Variants in KIAA1217 observed in about 807,000 individuals in gnomAD.
KIAA1217 encodes KIAA1217, also known as sickle tail protein homolog.
KIAA1217 carries 88 observed loss-of-function variants against 163.9 expected under a neutral mutation model. The observed-to-expected ratio is 0.54, with a 90% CI of 0.45 to 0.64. The LOEUF (loss-of-function observed/expected upper bound fraction) is 0.64. Among genes scored for constraint, KIAA1217 ranks in the 30% least tolerant of loss-of-function variants. The pLI, the probability that KIAA1217 is intolerant of heterozygous loss-of-function variation, is 0.00. For missense variants in KIAA1217, 2,372 were observed against 2,475.0 expected (o/e 0.96, Z 0.88); for synonymous variants, 903 against 923.1 (o/e 0.98, Z 0.39).
At chr10:23,842,941 T>G (rs1390103916) in intron 1 of KIAA1217, among the ~76,000 whole-genome samples, 3 of 152,178 alleles carry the variant, frequency 2.0e-5, no homozygotes, top group Non-Finnish European at 4.4e-5. Flanking sequence ...AATGTTTATT[T>G]CTGACAAAGA....
At chr10:24,038,168 G>A (rs925364747) in intron 2 of KIAA1217, among the ~76,000 whole-genome samples, 1 of 152,178 alleles carries the variant, frequency 6.6e-6, no homozygotes, top group Non-Finnish European at 1.5e-5. Flanking sequence ...ACCATGCACT[G>A]TTGACCATGG....
rs527762729 is a variant in KIAA1217, at chr10:24,179,681, C to T, written c.-170-39945C>T. On this transcript the variant is annotated intron_variant, in intron 2 of 18. Coordinates refer to the KIAA1217 transcript ENST00000376462. ...TCAGCTCACTGCAACTTCCACCTCC[C>T]GGGTTCAAGTGATTCTTGTCCCTCA... is the stretch of plus-strand genomic sequence containing the variant. Among the ~76,000 whole-genome samples, 18 of 152,174 alleles carry T rather than the reference C, an allele frequency of 1.2e-4. No individual in the cohort carries two copies. In the South Asian group the frequency reaches 1.2e-3, roughly 11 times the overall value.
intron 5 of KIAA1217, among the ~76,000 whole-genome samples, chr10:24,452,679 C>CAAAAAAAAAAAAAAAA (rs1331069997): frequency 3.1e-5 from 2 of 64,100 alleles, no homozygotes; most frequent in Non-Finnish European, 6.5e-5. Context: ...AAGACTGTCT[C>CAAAAAAAAAAAAAAAA]AAAAAAAAAA....
At chr10:24,507,351 C>A (rs1198753819) in intron 9 of KIAA1217, among the ~76,000 whole-genome samples, 1 of 152,050 alleles carries the variant, frequency 6.6e-6, no homozygotes, top group Non-Finnish European at 1.5e-5. Flanking sequence ...CAAGAGAAAC[C>A]AACCAGACAT....
intron 1 of KIAA1217, among the ~76,000 whole-genome samples, chr10:23,891,331 G>C (rs1389866624): frequency 6.6e-6 from 1 of 151,628 alleles, no homozygotes; most frequent in African/African-American, 2.4e-5. Flanking sequence ...TCTTTGTTGA[G>C]AGACAGGATC....
intron 1 of KIAA1217, among the ~76,000 whole-genome samples, chr10:23,838,596 A>T (rs1210022551): frequency 6.6e-6 from 1 of 151,958 alleles, no homozygotes; most frequent in African/African-American, 2.4e-5. Flanking sequence ...AAGTAGCTGG[A>T]ATTACAGGTG....
chr10:23,930,707 C>G (rs1033027246), intron 1 of KIAA1217, among the ~76,000 whole-genome samples: 5 of 152,182 alleles, frequency 3.3e-5, no homozygotes, highest in Non-Finnish European at 7.3e-5. Flanking sequence ...TGTGATTCAT[C>G]AGGAAAAAGA....
intron 2 of KIAA1217, among the ~76,000 whole-genome samples, chr10:24,115,513 T>C (rs750578669): frequency 1.3e-5 from 2 of 152,152 alleles, no homozygotes; most frequent in Non-Finnish European, 2.9e-5. Flanking sequence ...ATACACATGA[T>C]CTCACACTTG....
At chr10:24,272,352 T>G (rs2076856310) in intron 2 of KIAA1217, among the ~76,000 whole-genome samples, 1 of 152,192 alleles carries the variant, frequency 6.6e-6, no homozygotes. Context: ...TCCACTTAAT[T>G]TTTTTGGCCT....
At chr10:24,049,567 C>T (rs528304216) in intron 2 of KIAA1217, among the ~76,000 whole-genome samples, 18 of 152,188 alleles carry the variant, frequency 1.2e-4, no homozygotes, top group Middle Eastern at 3.4e-3. Flanking sequence ...GTTTGGTTTT[C>T]GGTTCTTGTG....
chr10:23,782,976 C>T (rs553540673), intron 1 of KIAA1217, among the ~76,000 whole-genome samples: 3 of 152,294 alleles, frequency 2.0e-5, no homozygotes, highest in South Asian at 2.1e-4. Flanking sequence ...GGAGGCCTTT[C>T]ATAAATGGAC....
chr10:24,494,356 G>A, intron 6 of KIAA1217, 144 bp from the exon 7 acceptor site: 1 of 658,380 alleles, frequency 1.5e-6, no homozygotes, highest in South Asian at 1.7e-5. Context: ...AGGATGTGCG[G>A]CTCTTCATGT....
At chr10:24,455,754 A>C (rs2061722029) in intron 5 of KIAA1217, among the ~76,000 whole-genome samples, 1 of 152,246 alleles carries the variant, frequency 6.6e-6, no homozygotes, top group South Asian at 2.1e-4. Context: ...CACCCATCTC[A>C]CAGTGATTAT....
intron 2 of KIAA1217, among the ~76,000 whole-genome samples, chr10:24,294,857 G>A (rs1825050719): frequency 6.6e-6 from 1 of 152,180 alleles, no homozygotes; most frequent in Non-Finnish European, 1.5e-5. Context: ...TTGCCAGGGT[G>A]TCAAATCACA....
intron 2 of KIAA1217, among the ~76,000 whole-genome samples, chr10:24,355,191 G>A (rs1470134687): frequency 6.6e-6 from 1 of 152,188 alleles, no homozygotes; most frequent in African/African-American, 2.4e-5. Context: ...GGAGGTTGCA[G>A]CTGTGTAAGC....
At position 23,923,042 on chromosome 10, in the gene KIAA1217, AC is replaced by A. The variant is rs149619183; in HGVS notation, c.-320-84180del. Among the ~76,000 whole-genome samples the A allele has an allele frequency of 5.0e-3, 768 of 152,188 alleles. 8 individuals carry two copies. Among genetic ancestry groups the A allele is most frequent in the African/African-American group, 0.018 (738 of 41,508 alleles). Reference sequence around the variant, plus strand: ...GTTCTGAGATTTTGGCACACCTGTCACCCAAGCAGGGTACACTGTACCCAAT... The same window carrying A: ...GTTCTGAGATTTTGGCACACCTGTCACCAAGCAGGGTACACTGTACCCAAT... On this transcript the variant is annotated intron_variant, in intron 1 of 18. Transcript: ENST00000376462.
At chr10:23,872,646 A>G (rs894721194) in intron 1 of KIAA1217, among the ~76,000 whole-genome samples, 2 of 152,058 alleles carry the variant, frequency 1.3e-5, no homozygotes, top group African/African-American at 4.8e-5. Context: ...CTTGATCAGT[A>G]GCCTAAGCAC....
intron 1 of KIAA1217, among the ~76,000 whole-genome samples, chr10:23,826,323 T>C (rs756031986): frequency 2.6e-5 from 4 of 152,190 alleles, no homozygotes; most frequent in Non-Finnish European, 5.9e-5. Flanking sequence ...ACATTAGATT[T>C]GACATGTCAA....
chr10:24,337,101 A>G (rs2046441136), intron 2 of KIAA1217, among the ~76,000 whole-genome samples: 1 of 152,242 alleles, frequency 6.6e-6, no homozygotes, highest in African/African-American at 2.4e-5. Context: ...GTCAAAGGAC[A>G]CTAACAACAG....
Sources: gnomAD v4.1 joint callset for allele counts (sites outside exome capture counted in the v4.1 genomes callset) on GRCh38, gnomAD v4.1.1 for gene constraint, MANE v1.5 for transcripts, NCBI Gene and HGNC (gene_info 2026-07-23, HGNC 2026-07-21) for gene names.